The following ASTN2 variants were observed in gnomAD, a reference collection of about 807,000 sequenced individuals.
ASTN2 encodes astrotactin 2, also known as astrotactin-2.
ASTN2 carries 54 observed loss-of-function variants against 139.8 expected under a neutral mutation model. That is an observed-to-expected ratio of 0.39 (90% confidence interval 0.31 to 0.48). ASTN2 has a LOEUF of 0.48. ASTN2 is among the 20% of genes least tolerant of loss of function. ASTN2 has a pLI of 0.95. For missense variants in ASTN2, 1,565 were observed against 1,725.1 expected (o/e 0.91, Z 1.64); for synonymous variants, 756 against 719.5 (o/e 1.05, Z -0.81).
At chr9:116,794,083 C>CA (rs777873062) in intron 13 of ASTN2, among the ~76,000 whole-genome samples, 1 of 142,014 alleles carries the variant, frequency 7.0e-6, no homozygotes, top group Non-Finnish European at 1.5e-5. Context: ...CAAAACAAAA[C>CA]AAAAATAAAC....
At chr9:116,841,915 A>C (rs1166626360) in intron 11 of ASTN2, among the ~76,000 whole-genome samples, 2 of 152,228 alleles carry the variant, frequency 1.3e-5, no homozygotes, top group Non-Finnish European at 2.9e-5. Context: ...TTCCATGCCT[A>C]CTTTTCCAAT....
At chr9:117,091,949 C>A (rs1307654456) in intron 5 of ASTN2, among the ~76,000 whole-genome samples, 2 of 152,128 alleles carry the variant, frequency 1.3e-5, no homozygotes, top group Non-Finnish European at 2.9e-5. Context: ...GCAAAGGATG[C>A]AGGTGGCAGG....
At chr9:116,601,566 C>T (rs541002126) in intron 19 of ASTN2, among the ~76,000 whole-genome samples, 2 of 152,004 alleles carry the variant, frequency 1.3e-5, no homozygotes, top group South Asian at 2.1e-4. Context: ...AGAAAGGACC[C>T]GATTTGAGAG....
intron 13 of ASTN2, among the ~76,000 whole-genome samples, chr9:116,783,449 A>G (rs1159765535): frequency 6.6e-6 from 1 of 152,082 alleles, no homozygotes; most frequent in Non-Finnish European, 1.5e-5. Context: ...TGGGCATACA[A>G]ATAAACATGG....
chr9:116,423,332 T>C lies in ASTN2; in HGVS notation c.*2519A>G, dbSNP rs1847233514. 6.6e-6 allele frequency among the ~76,000 whole-genome samples: 1 copy of C among 152,202 alleles called. No homozygotes were observed. The highest frequency in any genetic ancestry group is 1.5e-5 in the Non-Finnish European group (1 of 68,036). Reference sequence around the variant, plus strand: ...CCCTTGAGGTGGGACCAGCATTGACTCCACTTTGTTGATGAGAAACCTGAT... The same window carrying C: ...CCCTTGAGGTGGGACCAGCATTGACCCCACTTTGTTGATGAGAAACCTGAT... On this transcript the variant is annotated 3_prime_UTR_variant, in exon 23 of 23. Coordinates refer to ENST00000313400, the MANE Select transcript of ASTN2 (RefSeq NM_001365068.1).
chr9:116,498,879 T>C (rs1292783035), intron 19 of ASTN2, among the ~76,000 whole-genome samples: 1 of 152,154 alleles, frequency 6.6e-6, no homozygotes. Flanking sequence ...CAAAGCAGAA[T>C]TTGAATGCCA....
chr9:117,405,108 C>T (rs1830944366), intron 1 of ASTN2, among the ~76,000 whole-genome samples: 1 of 152,170 alleles, frequency 6.6e-6, no homozygotes, highest in Non-Finnish European at 1.5e-5. Flanking sequence ...GGTGCTCAGT[C>T]CCTTGGGCCT....
intron 16 of ASTN2, among the ~76,000 whole-genome samples, chr9:116,717,890 G>A (rs1828358893): frequency 6.6e-6 from 1 of 152,150 alleles, no homozygotes; most frequent in Non-Finnish European, 1.5e-5. Flanking sequence ...ATACCACTAA[G>A]GCATTTATGA....
At chr9:117,071,717 G>A (rs1301293749) in intron 5 of ASTN2, among the ~76,000 whole-genome samples, 2 of 149,652 alleles carry the variant, frequency 1.3e-5, no homozygotes, top group Admixed American at 6.6e-5. Flanking sequence ...CTCATGGTGC[G>A]CCGTTTCTTA....
intron 19 of ASTN2, among the ~76,000 whole-genome samples, chr9:116,600,344 A>AAGAAAG (rs1554719075): frequency 1.4e-5 from 2 of 142,418 alleles, no homozygotes; most frequent in African/African-American, 5.8e-5. Flanking sequence ...AAAAAAAAAA[A>AAGAAAG]AAAGAAAGAA....
intron 2 of ASTN2, among the ~76,000 whole-genome samples, chr9:117,258,643 T>C (rs1833749335): frequency 6.6e-6 from 1 of 152,104 alleles, no homozygotes; most frequent in South Asian, 2.1e-4. Flanking sequence ...ATCCAAGCCT[T>C]TATCATCAAA....
intron 1 of ASTN2, among the ~76,000 whole-genome samples, chr9:117,300,679 A>G (rs929716880): frequency 1.3e-5 from 2 of 152,206 alleles, no homozygotes; most frequent in African/African-American, 4.8e-5. Flanking sequence ...GCCAGGTTAA[A>G]TGCCCACAGG....
At chr9:117,081,526 A>G (rs144399383) in intron 5 of ASTN2, among the ~76,000 whole-genome samples, 1 of 152,290 alleles carries the variant, frequency 6.6e-6, no homozygotes, top group African/African-American at 2.4e-5. Context: ...CACTGTGACT[A>G]TGATAGGATA....
At chr9:116,518,327 A>G (rs1322632148) in intron 19 of ASTN2, among the ~76,000 whole-genome samples, 1 of 152,222 alleles carries the variant, frequency 6.6e-6, no homozygotes, top group African/African-American at 2.4e-5. Context: ...AAATCCTACA[A>G]GCTAGAAGGG....
intron 7 of ASTN2, among the ~76,000 whole-genome samples, chr9:116,988,272 C>G (rs1046651860): frequency 1.2e-4 from 18 of 152,212 alleles, no homozygotes; most frequent in African/African-American, 4.1e-4. Flanking sequence ...CCTGTCTCCA[C>G]CCAAGACTCA....
intron 1 of ASTN2, among the ~76,000 whole-genome samples, chr9:117,389,630 C>T (rs1413646390): frequency 6.6e-6 from 1 of 152,098 alleles, no homozygotes; most frequent in African/African-American, 2.4e-5. Flanking sequence ...GGAAGAAGGA[C>T]CATATTCGAC....
At chr9:116,916,583 A>G (rs1834454756) in intron 10 of ASTN2, among the ~76,000 whole-genome samples, 1 of 152,268 alleles carries the variant, frequency 6.6e-6, no homozygotes, top group East Asian at 1.9e-4. Context: ...GTGGTGGCTC[A>G]TGCCTGTAAT....
intron 19 of ASTN2, among the ~76,000 whole-genome samples, chr9:116,507,108 C>T (rs1274620933): frequency 6.6e-6 from 1 of 152,150 alleles, no homozygotes; most frequent in African/African-American, 2.4e-5. Context: ...CACAGAGATA[C>T]TGTGAAGCTG....
Position 116,886,113 on chromosome 9 carries a change from C to A in ASTN2, c.1890-22380G>T, listed in dbSNP as rs138148447. 6.2e-4 allele frequency among the ~76,000 whole-genome samples: 94 copies of A among 152,318 alleles called. 1 individual carries two copies. Among genetic ancestry groups the A allele is most frequent in the African/African-American group, 2.2e-3 (92 of 41,578 alleles). On this transcript the variant is annotated intron_variant, in intron 10 of 22. Coordinates refer to ENST00000313400, the MANE Select transcript of ASTN2 (RefSeq NM_001365068.1). ...CCTACAACATCAGGCAGCAAAAAAGCCTAGTGCTGGCCATAGACCCACTGT... is the reference window on the plus strand; with the variant it reads ...CCTACAACATCAGGCAGCAAAAAAGACTAGTGCTGGCCATAGACCCACTGT...
Sources: allele counts gnomAD v4.1 joint callset (sites outside exome capture counted in the v4.1 genomes callset), GRCh38; gene constraint gnomAD v4.1.1; transcripts MANE v1.5; gene names NCBI Gene and HGNC (gene_info 2026-07-23, HGNC 2026-07-21).